Variants in MECOM observed in about 807,000 individuals in gnomAD.
MECOM encodes the protein MDS1 and EVI1 complex locus.
Under a neutral mutation model 116.3 loss-of-function variants are expected in MECOM, and 13 were observed. That is an observed-to-expected ratio of 0.11 (90% CI 0.07 to 0.18). The LOEUF (loss-of-function observed/expected upper bound fraction) is 0.18, where lower values mean the gene tolerates loss of function less well. Ranked by LOEUF, MECOM falls within the 10% of genes least tolerant of loss-of-function variation. The pLI is 1.00. For synonymous variants in MECOM, 528 were observed against 535.2 expected, an observed-to-expected ratio of 0.99 and a Z score of 0.19; for missense variants, 1,299 against 1,509.0, an observed-to-expected ratio of 0.86 and a Z score of 2.31.
chr3:169,292,437 G>T (rs771093631), intron 2 of MECOM, among the ~76,000 whole-genome samples: 37 of 152,200 alleles, frequency 2.4e-4, no homozygotes, highest in Admixed American at 2.4e-3. Flanking sequence ...GGCCCCTACA[G>T]AATCCCTTCC....
rs182198226 is a variant in MECOM, at chr3:169,315,770, G to A, written c.375+65417C>T. Reference sequence around the variant, plus strand: ...ACAAAGGAATCAAATATCATCTAGCGATGGCATATATCTATTCCATGAATG... The same window carrying A: ...ACAAAGGAATCAAATATCATCTAGCAATGGCATATATCTATTCCATGAATG... On this transcript the variant is annotated intron_variant, in intron 2 of 16. Transcript: ENST00000651503. Among the ~76,000 whole-genome samples the A allele has an allele frequency of 1.2e-3, 180 of 152,182 alleles. 1 individual carries two copies. The highest frequency in any genetic ancestry group is 4.2e-3 in the African/African-American group (176 of 41,516).
At chr3:169,486,647 G>T (rs1023506941) in intron 1 of MECOM, among the ~76,000 whole-genome samples, 65 of 151,954 alleles carry the variant, frequency 4.3e-4, no homozygotes, top group African/African-American at 1.5e-3. Flanking sequence ...GTTAAAAAAA[G>T]AAAAAAGGCT....
At chr3:169,106,743 T>C (rs1725571857) in intron 10 of MECOM, among the ~76,000 whole-genome samples, 1 of 152,120 alleles carries the variant, frequency 6.6e-6, no homozygotes, top group Non-Finnish European at 1.5e-5. Context: ...GTCAAAGTCA[T>C]ACTGTACCTT....
At chr3:169,441,369 C>G (rs999343105) in intron 1 of MECOM, among the ~76,000 whole-genome samples, 1 of 152,170 alleles carries the variant, frequency 6.6e-6, no homozygotes, top group African/African-American at 2.4e-5. Flanking sequence ...AGCAACTTAA[C>G]TATTTGAATC....
At chr3:169,240,288 G>A (rs1015294068) in intron 2 of MECOM, among the ~76,000 whole-genome samples, 2 of 152,168 alleles carry the variant, frequency 1.3e-5, no homozygotes, top group Admixed American at 6.5e-5. Flanking sequence ...TGAACTCTGA[G>A]CTGTTCCAGC....
chr3:169,508,769 T>A (rs190626159), intron 1 of MECOM, among the ~76,000 whole-genome samples: 24 of 152,208 alleles, frequency 1.6e-4, no homozygotes, highest in African/African-American at 5.3e-4. Context: ...GATGTAACAT[T>A]CCTTTCTGAT....
chr3:169,562,716 T>A (rs1322242793), intron 1 of MECOM, among the ~76,000 whole-genome samples: 1 of 152,106 alleles, frequency 6.6e-6, no homozygotes, highest in African/African-American at 2.4e-5. Flanking sequence ...GTGAATTTCA[T>A]GTCTGTGAAA....
intron 1 of MECOM, among the ~76,000 whole-genome samples, chr3:169,466,701 T>A (rs1748363098): frequency 6.6e-6 from 1 of 152,026 alleles, no homozygotes; most frequent in Non-Finnish European, 1.5e-5. Context: ...TGAAAATGAT[T>A]TGGGGATGGG....
intron 2 of MECOM, among the ~76,000 whole-genome samples, chr3:169,166,611 G>T (rs1420177616): frequency 6.6e-6 from 1 of 151,920 alleles, no homozygotes; most frequent in East Asian, 1.9e-4. Flanking sequence ...TAAAAACAGA[G>T]ACAGAATATT....
chr3:169,458,231 T>A (rs898832776), intron 1 of MECOM, among the ~76,000 whole-genome samples: 1 of 152,234 alleles, frequency 6.6e-6, no homozygotes, highest in East Asian at 1.9e-4. Flanking sequence ...CTGCTAAAGA[T>A]GTAGTGCTGA....
intron 2 of MECOM, among the ~76,000 whole-genome samples, chr3:169,182,940 G>A (rs1314947493): frequency 2.0e-5 from 3 of 152,122 alleles, no homozygotes; most frequent in Non-Finnish European, 2.9e-5. Context: ...AAGTGGAGTC[G>A]AGGTCTGGCT....
chr3:169,578,699 T>C (rs1178866186), intron 1 of MECOM, among the ~76,000 whole-genome samples: 1 of 152,190 alleles, frequency 6.6e-6, no homozygotes, highest in Non-Finnish European at 1.5e-5. Flanking sequence ...TTGCATGTAT[T>C]TAACTTTTCA....
At chr3:169,372,446 A>G (rs145979208) in intron 2 of MECOM, among the ~76,000 whole-genome samples, 9 of 152,170 alleles carry the variant, frequency 5.9e-5, no homozygotes, top group Non-Finnish European at 8.8e-5. Context: ...TTTTTCTTTC[A>G]CGTAAACAAG....
rs1195781085 is a variant in MECOM, at chr3:169,116,045, T to G, written c.1827A>C (p.Lys609Asn). The G allele has an allele frequency of 1.9e-6, 3 of 1,614,068 alleles. No individual in the cohort carries two copies. Among genetic ancestry groups the G allele is most frequent in the Non-Finnish European group, 2.5e-6 (3 of 1,180,036 alleles). ...TTTTACCATTTTCTTTAAATTTCTCTTTATCACTTTCAATGTCACTTTCCA... is the reference window on the plus strand; with the variant it reads ...TTTTACCATTTTCTTTAAATTTCTCGTTATCACTTTCAATGTCACTTTCCA... ...SDLESDIESD[K>N]EKFKENGKMF... The change falls in exon 8 of 17, where the codon AAA becomes AAC. Residue 609 changes from lysine to asparagine, a missense_variant. Physicochemically the swap from Lys to Asn is moderately conservative, Grantham distance 94. Coordinates refer to ENST00000651503, the MANE Select transcript of MECOM (RefSeq NM_004991.4).
chr3:169,197,668 A>C (rs1404728073), intron 2 of MECOM, among the ~76,000 whole-genome samples: 1 of 152,046 alleles, frequency 6.6e-6, no homozygotes, highest in Non-Finnish European at 1.5e-5. Flanking sequence ...AATGATCTAC[A>C]GAAAGGGAAA....
At chr3:169,148,376 G>A (rs1740515933) in intron 2 of MECOM, among the ~76,000 whole-genome samples, 1 of 151,594 alleles carries the variant, frequency 6.6e-6, no homozygotes, top group Admixed American at 6.6e-5. Context: ...ATATACCTTG[G>A]GTACATTTAA....
chr3:169,206,809 A>G (rs1467356342), intron 2 of MECOM, among the ~76,000 whole-genome samples: 1 of 151,970 alleles, frequency 6.6e-6, no homozygotes, highest in African/African-American at 2.4e-5. Flanking sequence ...TTAAATCAAA[A>G]TTTCTAAGTG....
intron 11 of MECOM, among the ~76,000 whole-genome samples, chr3:169,101,333 G>T (rs1302155423): frequency 2.0e-5 from 3 of 152,132 alleles, no homozygotes; most frequent in Non-Finnish European, 4.4e-5. Context: ...GATGTAAACA[G>T]ATTTCAAATG....
At chr3:169,247,506 G>A (rs1312347656) in intron 2 of MECOM, among the ~76,000 whole-genome samples, 1 of 152,166 alleles carries the variant, frequency 6.6e-6, no homozygotes. Context: ...GTTTCTCCAT[G>A]TGGGTCAGGC....
Sources: gnomAD v4.1 joint callset for allele counts (sites outside exome capture counted in the v4.1 genomes callset) on GRCh38, gnomAD v4.1.1 for gene constraint, MANE v1.5 for transcripts, NCBI Gene and HGNC (gene_info 2026-07-23, HGNC 2026-07-21) for gene names.